Variants in MAP2K5 observed in about 807,000 individuals in gnomAD.
MAP2K5 encodes mitogen-activated protein kinase kinase 5.
In MAP2K5, 49 loss-of-function variants were observed where a neutral mutation model predicts 83.1. The ratio of observed to expected loss-of-function variants is 0.59; its 90% CI spans 0.47 to 0.75. The LOEUF is 0.75. Ranked by LOEUF, MAP2K5 falls within the 30% of genes least tolerant of loss-of-function variation. MAP2K5 has a pLI of 0.00. For missense variants in MAP2K5, 457 were observed against 557.5 expected, an observed-to-expected ratio of 0.82 and a Z score of 1.82; for synonymous variants, 202 against 191.8, an observed-to-expected ratio of 1.05 and a Z score of -0.44.
intron 13 of MAP2K5, among the ~76,000 whole-genome samples, chr15:67,679,237 G>C (rs2087755083): frequency 6.6e-6 from 1 of 152,092 alleles, no homozygotes; most frequent in African/African-American, 2.4e-5. Context: ...TTATTAGCAA[G>C]CTTCTGCTTG....
At position 67,615,993 on chromosome 15, in the gene MAP2K5, CAT is replaced by C. The variant is rs1438597967; in HGVS notation, c.546-14894_546-14893del. Among the ~76,000 whole-genome samples the C allele has an allele frequency of 3.3e-5, 5 of 152,204 alleles. No individual in the cohort carries two copies. The East Asian group carries it at 9.6e-4, about 29-fold the overall frequency. On this transcript the variant is annotated intron_variant, in intron 8 of 21. Coordinates refer to ENST00000178640, the MANE Select transcript of MAP2K5 (RefSeq NM_145160.3). ...GTTTTAAGTAGGAGACTTATAGTCTCATGTGGGTATCTCCTAATAGTTTAACC... is the reference window on the plus strand; with the variant it reads ...GTTTTAAGTAGGAGACTTATAGTCTCGTGGGTATCTCCTAATAGTTTAACC...
At chr15:67,584,180 A>T (rs1456278407) in intron 4 of MAP2K5, among the ~76,000 whole-genome samples, 2 of 152,238 alleles carry the variant, frequency 1.3e-5, no homozygotes, top group Non-Finnish European at 2.9e-5. Context: ...GTGAACATTG[A>T]CTAGCTTTAT....
Position 67,768,506 on chromosome 15 carries a change from T to C in MAP2K5, c.1135-1096T>C, listed in dbSNP as rs1384049653. Among the ~76,000 whole-genome samples, 1 of 152,178 alleles carries C rather than the reference T, an allele frequency of 6.6e-6. No homozygotes were observed. Among genetic ancestry groups the C allele is most frequent in the Non-Finnish European group, 1.5e-5 (1 of 68,020 alleles). ...CGCTGGAAGGTTGTATGTAATGATA[T>C]ATTGCTCATCCAAATGGCCAAAGCA... On this transcript the variant is annotated intron_variant, in intron 19 of 21. Transcript: ENST00000178640. The surrounding 1 kb of genome is among the most constrained non-coding windows in gnomAD (Gnocchi z 4.0).
intron 19 of MAP2K5, among the ~76,000 whole-genome samples, chr15:67,761,661 A>C (rs902963513): frequency 2.0e-5 from 3 of 152,188 alleles, no homozygotes; most frequent in Non-Finnish European, 4.4e-5. Flanking sequence ...GTTTTTCAGG[A>C]CACGGACCTG....
chr15:67,557,246 C>T (rs1423051838), intron 2 of MAP2K5, among the ~76,000 whole-genome samples: 9 of 152,326 alleles, frequency 5.9e-5, no homozygotes, highest in African/African-American at 2.2e-4. Context: ...GAAGTAACTG[C>T]TATAAAATGA....
chr15:67,592,799 G>T, intron 6 of MAP2K5, 127 bp from the exon 7 acceptor site: 3 of 643,308 alleles, frequency 4.7e-6, no homozygotes, highest in Admixed American at 3.3e-5. Context: ...ATTTACATTG[G>T]GAGAAGGATG....
chr15:67,756,099 AGTCCTAT>A (rs1345816554), intron 19 of MAP2K5, among the ~76,000 whole-genome samples: 1 of 152,238 alleles, frequency 6.6e-6, no homozygotes, highest in Non-Finnish European at 1.5e-5. Context: ...GGCTTGCCAC[AGTCCTAT>A]CTCTCTATTG....
At chr15:67,767,467 C>A (rs1172277880) in intron 19 of MAP2K5, among the ~76,000 whole-genome samples, 1 of 152,140 alleles carries the variant, frequency 6.6e-6, no homozygotes, top group East Asian at 1.9e-4. Context: ...CAGTACTACA[C>A]CCTCAAAAAA....
At chr15:67,567,573 C>T (rs2084866859) in intron 3 of MAP2K5, among the ~76,000 whole-genome samples, 1 of 151,692 alleles carries the variant, frequency 6.6e-6, no homozygotes. Flanking sequence ...ACCTTGTTAG[C>T]CGGGATGGTC....
At position 67,780,518 on chromosome 15, in the gene MAP2K5, T is replaced by C. The variant is rs1371485203; in HGVS notation, c.1242+7766T>C. On this transcript the variant is annotated intron_variant, in intron 21 of 21. Transcript: ENST00000178640. This position sits in a 1 kb window ranked among gnomAD's most constrained non-coding sequence, Gnocchi z 5.0. ...GCAGATAAAGTAGACACTAAACAGA[T>C]AGACAAACAAGACATGTATCTGGTT... Among the ~76,000 whole-genome samples the C allele has an allele frequency of 2.6e-5, 4 of 152,100 alleles. No individual in the cohort carries two copies. The highest frequency in any genetic ancestry group is 3.8e-4 in the East Asian group (2 of 5,202).
chr15:67,640,547 T>C lies in MAP2K5; in HGVS notation c.586-5684T>C. ...TGTGAAGAGCAGCAAATCACAGTCCTTGTCCAAACTGAATCACCTGCAGGG... is the reference window on the plus strand; with the variant it reads ...TGTGAAGAGCAGCAAATCACAGTCCCTGTCCAAACTGAATCACCTGCAGGG... On this transcript the variant is annotated intron_variant, in intron 9 of 21. Transcript: ENST00000178640. The surrounding 1 kb of genome is among the most constrained non-coding windows in gnomAD (Gnocchi z 4.6). 1 of 984,114 alleles carries C rather than the reference T, an allele frequency of 1.0e-6. No individual in the cohort carries two copies. Among genetic ancestry groups the C allele is most frequent in the Non-Finnish European group, 1.2e-6 (1 of 828,750 alleles). 61.0% of individuals were successfully genotyped at this position (984,114 alleles called of 1,614,324 possible).
In MAP2K5 at chr15:67,783,311, C is replaced by T. The variant is rs1424014141; in HGVS notation, c.1242+10559C>T. ...GCCAGAGACCCCCGCTCACCTTCTC[C>T]TCCCACCCTCACCTACCCCTTCACC... On this transcript the variant is annotated intron_variant, in intron 21 of 21. Transcript: ENST00000178640. The surrounding 1 kb of genome is among the most constrained non-coding windows in gnomAD (Gnocchi z 5.1). 6.6e-6 allele frequency among the ~76,000 whole-genome samples: 1 copy of T among 152,172 alleles called. No homozygotes were observed. The highest frequency in any genetic ancestry group is 1.5e-5 in the Non-Finnish European group (1 of 68,030).
chr15:67,710,280 G>A (rs2088659310), intron 16 of MAP2K5, among the ~76,000 whole-genome samples: 1 of 152,316 alleles, frequency 6.6e-6, no homozygotes, highest in Admixed American at 6.5e-5. Flanking sequence ...GCATAGAACA[G>A]TCTGGCTCAA....
At chr15:67,641,700 T>A in intron 9 of MAP2K5, 2 of 784,580 alleles carry the variant, frequency 2.5e-6, no homozygotes, top group Non-Finnish European at 3.1e-6. Context: ...ATGGAATGCT[T>A]CATATTCAAA....
chr15:67,548,496 G>A (rs1277969021), intron 1 of MAP2K5, among the ~76,000 whole-genome samples: 1 of 152,232 alleles, frequency 6.6e-6, no homozygotes, highest in East Asian at 1.9e-4. Context: ...CCATGTGCTA[G>A]ACACTCTTCT....
rs779126120 is a variant in MAP2K5 at position 67,677,121 on chromosome 15, G to C, written c.847+12476G>C. ...GAGTATAAAGAACTTAAAACATCTG[G>C]GCTATTTTCTTTGTGAACTTCCCAA... On this transcript the variant is annotated intron_variant, in intron 13 of 21. Coordinates refer to ENST00000178640, the MANE Select transcript of MAP2K5 (RefSeq NM_145160.3). The surrounding 1 kb of genome is among the most constrained non-coding windows in gnomAD (Gnocchi z 4.2). Among the ~76,000 whole-genome samples, 17 of 151,984 alleles carry C rather than the reference G, an allele frequency of 1.1e-4. No homozygotes were observed. The highest frequency in any genetic ancestry group is 4.1e-4 in the African/African-American group (17 of 41,386).
In MAP2K5 at chr15:67,806,953, G is replaced by C. The variant is rs1465212371; in HGVS notation, c.*203G>C. On this transcript the variant is annotated 3_prime_UTR_variant, in exon 22 of 22. Transcript: ENST00000178640. The stretch of plus-strand genomic sequence containing the variant: ...CCACCAGGCCATCCCCATACCTTCT[G>C]GTTTGAAGGCGCTGACACTGGCAGA... 6.4e-6 allele frequency: 10 copies of C among 1,556,170 alleles called. No individual in the cohort carries two copies. Among genetic ancestry groups the C allele is most frequent in the Non-Finnish European group, 8.6e-6 (10 of 1,158,234 alleles).
Position 67,758,847 on chromosome 15 carries a change from G to C in MAP2K5, c.1134+10246G>C, listed in dbSNP as rs1168691319. Reference sequence around the variant, plus strand: ...CCTTACATTATACTATCACTGATTTGAAGAAAGTACAAAGTGACCACTGAA... The same window carrying C: ...CCTTACATTATACTATCACTGATTTCAAGAAAGTACAAAGTGACCACTGAA... On this transcript the variant is annotated intron_variant, in intron 19 of 21. Transcript: ENST00000178640. This position sits in a 1 kb window ranked among gnomAD's most constrained non-coding sequence, Gnocchi z 4.7. Among the ~76,000 whole-genome samples the C allele has an allele frequency of 6.6e-6, 1 of 152,144 alleles. No individual in the cohort carries two copies. The highest frequency in any genetic ancestry group is 2.4e-5 in the African/African-American group (1 of 41,430).
chr15:67,647,615 G>A (rs985075666), intron 11 of MAP2K5, among the ~76,000 whole-genome samples: 1 of 151,902 alleles, frequency 6.6e-6, no homozygotes, highest in African/African-American at 2.4e-5. Context: ...GCCGGGCACG[G>A]TGGCTTACTC....
Sources: gnomAD v4.1 joint callset for allele counts (sites outside exome capture counted in the v4.1 genomes callset) on GRCh38, gnomAD v4.1.1 for gene constraint, Gnocchi (gnomAD v3.1) non-coding constraint, MANE v1.5 for transcripts, NCBI Gene and HGNC (gene_info 2026-07-23, HGNC 2026-07-21) for gene names.